The following SCFD2 variants were observed in gnomAD, a reference collection of about 807,000 sequenced individuals.
SCFD2 encodes the protein sec1 family domain-containing protein 2.
A neutral mutation model predicts 58.9 loss-of-function variants in SCFD2; 54 were observed. The ratio of observed to expected loss-of-function variants is 0.92; its 90% confidence interval spans 0.74 to 1.15. The LOEUF (loss-of-function observed/expected upper bound fraction) is 1.15. SCFD2 is among the 50% of genes most tolerant of loss of function. The probability of loss-of-function intolerance (pLI) is 0.00; values close to 1 mark genes in which losing one functional copy is unlikely to be tolerated. For synonymous variants in SCFD2, 321 were observed against 335.9 expected (o/e 0.96, Z 0.49); for missense variants, 805 against 836.6 (o/e 0.96, Z 0.47).
intron 5 of SCFD2, among the ~76,000 whole-genome samples, chr4:53,124,677 C>T (rs929769700): frequency 2.0e-5 from 3 of 152,200 alleles, no homozygotes; most frequent in Non-Finnish European, 4.4e-5. Flanking sequence ...CATTAGCTAA[C>T]ATCCTAGAAC....
At chr4:53,093,498 A>G (rs189922129) in intron 5 of SCFD2, among the ~76,000 whole-genome samples, 6 of 152,292 alleles carry the variant, frequency 3.9e-5, no homozygotes, top group Non-Finnish European at 8.8e-5. Context: ...TATATCCTAC[A>G]GATGTACTCA....
intron 5 of SCFD2, among the ~76,000 whole-genome samples, chr4:53,134,177 A>T (rs2148902297): frequency 6.6e-6 from 1 of 152,270 alleles, no homozygotes; most frequent in South Asian, 2.1e-4. Flanking sequence ...GGCTGGGGTG[A>T]GGGGAACTGG....
intron 2 of SCFD2, among the ~76,000 whole-genome samples, chr4:53,335,167 G>T (rs1327029192): frequency 8.2e-6 from 1 of 121,478 alleles, no homozygotes; most frequent in African/African-American, 3.1e-5. Context: ...CTGCATACCA[G>T]CCTGGCGACA....
At chr4:53,102,630 T>C (rs1724861889) in intron 5 of SCFD2, among the ~76,000 whole-genome samples, 1 of 152,036 alleles carries the variant, frequency 6.6e-6, no homozygotes, top group African/African-American at 2.4e-5. Context: ...TGAAAATATG[T>C]TCAATTTTAC....
At chr4:53,218,170 C>T (rs1019660725) in intron 4 of SCFD2, among the ~76,000 whole-genome samples, 29 of 152,054 alleles carry the variant, frequency 1.9e-4, no homozygotes, top group Admixed American at 1.1e-3. Flanking sequence ...TCTGTATTTC[C>T]GGAATTGGAA....
rs114125403 is a variant in SCFD2, at chr4:53,197,385, T to C, written c.1312-51803A>G. The stretch of plus-strand genomic sequence containing the variant: ...TCCAAAGTCTTACAGTAGGGGGCAG[T>C]ATTGTAACATCATGCTCACACTTAA... On this transcript the variant is annotated intron_variant, in intron 4 of 8. Coordinates refer to ENST00000401642, the MANE Select transcript of SCFD2 (RefSeq NM_152540.4). Among the ~76,000 whole-genome samples the C allele has an allele frequency of 2.8e-3, 424 of 152,156 alleles. 1 individual carries two copies. The highest frequency in any genetic ancestry group is 9.8e-3 in the African/African-American group (406 of 41,520).
intron 4 of SCFD2, among the ~76,000 whole-genome samples, chr4:53,203,161 G>T (rs1341757238): frequency 1.3e-5 from 2 of 152,134 alleles, no homozygotes; most frequent in Admixed American, 6.5e-5. Flanking sequence ...TTGGCTGTGG[G>T]TGTGTCATAG....
At chr4:52,884,994 C>G (rs1434822085) in intron 8 of SCFD2, among the ~76,000 whole-genome samples, 1 of 152,190 alleles carries the variant, frequency 6.6e-6, no homozygotes, top group Admixed American at 6.5e-5. Context: ...TTTTCCCTCC[C>G]AGATCACCTG....
At chr4:52,935,633 C>A (rs962348746) in intron 5 of SCFD2, among the ~76,000 whole-genome samples, 1 of 152,204 alleles carries the variant, frequency 6.6e-6, no homozygotes, top group Non-Finnish European at 1.5e-5. Flanking sequence ...TTGTGTCTCA[C>A]CGCTGTCTGA....
intron 3 of SCFD2, among the ~76,000 whole-genome samples, chr4:53,311,605 G>T (rs1442704087): frequency 1.3e-5 from 2 of 151,558 alleles, no homozygotes; most frequent in African/African-American, 2.4e-5. Flanking sequence ...ACCTTAGCAT[G>T]AAGACCCTTT....
intron 2 of SCFD2, among the ~76,000 whole-genome samples, chr4:53,335,372 G>A (rs569551959): frequency 6.6e-6 from 1 of 152,242 alleles, no homozygotes; most frequent in East Asian, 1.9e-4. Flanking sequence ...AAACTTTTGA[G>A]ATCATCAATG....
At chr4:53,130,186 A>G (rs1488900639) in intron 5 of SCFD2, among the ~76,000 whole-genome samples, 1 of 152,214 alleles carries the variant, frequency 6.6e-6, no homozygotes, top group African/African-American at 2.4e-5. Flanking sequence ...CCAATTATAA[A>G]TAATCCATCA....
chr4:53,044,413 G>A (rs1722974837), intron 5 of SCFD2, among the ~76,000 whole-genome samples: 1 of 151,842 alleles, frequency 6.6e-6, no homozygotes, highest in South Asian at 2.1e-4. Context: ...CTTGCACTTC[G>A]AACTCTGTCT....
chr4:53,165,916 G>T (rs1228102751), intron 4 of SCFD2, among the ~76,000 whole-genome samples: 2 of 152,118 alleles, frequency 1.3e-5, no homozygotes, highest in Non-Finnish European at 2.9e-5. Flanking sequence ...TTAAATTGTT[G>T]CAGTAAAATA....
intron 2 of SCFD2, 125 bp from the exon 3 acceptor site, chr4:53,313,888 C>CT (rs1732776445): frequency 4.0e-6 from 3 of 745,698 alleles, no homozygotes; most frequent in Non-Finnish European, 6.5e-6. Context: ...CTGATAGACT[C>CT]TAAGTATTAG....
intron 1 of SCFD2, among the ~76,000 whole-genome samples, chr4:53,363,640 G>A (rs1304108660): frequency 6.6e-6 from 1 of 151,912 alleles, no homozygotes; most frequent in Non-Finnish European, 1.5e-5. Flanking sequence ...TCGAGACCAC[G>A]GTGAAACCCC....
intron 5 of SCFD2, among the ~76,000 whole-genome samples, chr4:52,992,160 G>A (rs1721626550): frequency 6.6e-6 from 1 of 152,150 alleles, no homozygotes; most frequent in African/African-American, 2.4e-5. Flanking sequence ...TCGAGTGCCT[G>A]GGATTGCAGG....
In SCFD2 at chr4:52,902,619, T is replaced by C. The variant is rs571892973; in HGVS notation, c.1842+4838A>G. 6.6e-5 allele frequency among the ~76,000 whole-genome samples: 10 copies of C among 152,312 alleles called. No individual in the cohort carries two copies. In the South Asian group the frequency reaches 2.1e-3, roughly 32 times the overall value. On this transcript the variant is annotated intron_variant, in intron 7 of 8. Coordinates refer to ENST00000401642, the MANE Select transcript of SCFD2 (RefSeq NM_152540.4). Reference sequence around the variant, plus strand: ...ACAGTGTGGCAGGGATACAAATCCATAAAAATAATAATAGCAAATACTTAC... The same window carrying C: ...ACAGTGTGGCAGGGATACAAATCCACAAAAATAATAATAGCAAATACTTAC...
At chr4:53,333,404 A>G (rs1440553913) in intron 2 of SCFD2, among the ~76,000 whole-genome samples, 1 of 136,064 alleles carries the variant, frequency 7.3e-6, no homozygotes, top group Admixed American at 7.5e-5. Context: ...AAACAGAGAT[A>G]TAGATCAATG....
Sources: gnomAD v4.1 joint callset for allele counts (sites outside exome capture counted in the v4.1 genomes callset) on GRCh38, gnomAD v4.1.1 for gene constraint, MANE v1.5 for transcripts, NCBI Gene and HGNC (gene_info 2026-07-23, HGNC 2026-07-21) for gene names.